Variants in A4GALT observed in about 807,000 individuals in gnomAD.
A4GALT encodes the protein lactosylceramide 4-alpha-galactosyltransferase.
For synonymous variants in A4GALT, 257 were observed against 220.7 expected (o/e 1.16, Z -1.46); for missense variants, 512 against 486.0 (o/e 1.05, Z -0.50).
chr22:42,698,801 A>G (rs1385761344), intron 1 of A4GALT, among the ~76,000 whole-genome samples: 1 of 152,232 alleles, frequency 6.6e-6, no homozygotes, highest in African/African-American at 2.4e-5. Flanking sequence ...AATACAGGTC[A>G]TAAAGACCTT....
intron 1 of A4GALT, among the ~76,000 whole-genome samples, chr22:42,708,693 C>T (rs551563636): frequency 6.6e-6 from 1 of 152,140 alleles, no homozygotes; most frequent in East Asian, 1.9e-4. Flanking sequence ...CACCAACTAA[C>T]CTAATCAAGA....
intron 1 of A4GALT, among the ~76,000 whole-genome samples, chr22:42,700,688 G>A (rs1272899394): frequency 6.6e-6 from 1 of 152,168 alleles, no homozygotes; most frequent in Non-Finnish European, 1.5e-5. Context: ...CTGCAGTCAG[G>A]CCATGCTCCT....
intron 1 of A4GALT, among the ~76,000 whole-genome samples, chr22:42,716,097 G>A (rs1007372209): frequency 3.9e-5 from 6 of 152,140 alleles, no homozygotes; most frequent in African/African-American, 1.4e-4. Context: ...CTCCCAAAGT[G>A]CTGGGATTAC....
rs1930735706 is a variant in A4GALT, at chr22:42,694,006, G to C, written c.-46-9C>G. On this transcript the variant is annotated splice_polypyrimidine_tract_variant and intron_variant, in intron 2 of 2. Coordinates refer to ENST00000642412, the MANE Select transcript of A4GALT (RefSeq NM_017436.7). ...AGCAGGAACCGGCTGGTCTGCAAGA[G>C]ATGAGCACCCGCCATCAGGGAGGCC... 2.0e-6 allele frequency: 3 copies of C among 1,469,016 alleles called. No individual in the cohort carries two copies. Among genetic ancestry groups the C allele is most frequent in the Middle Eastern group, 1.7e-4 (1 of 5,824 alleles). The allele number at this position is 1,469,016 out of a possible 1,614,324, so 91.0% of individuals were successfully genotyped here. A position where few individuals can be genotyped will look rare whatever the true frequency, so the allele number is the denominator to read the frequency against.
At chr22:42,719,338 C>T (rs528836387) in intron 1 of A4GALT, among the ~76,000 whole-genome samples, 1 of 152,212 alleles carries the variant, frequency 6.6e-6, no homozygotes, top group East Asian at 1.9e-4. Context: ...TGGTGTGTGC[C>T]TGCAGTCTCA....
At chr22:42,714,207 T>C (rs897140034) in intron 1 of A4GALT, among the ~76,000 whole-genome samples, 11 of 134,148 alleles carry the variant, frequency 8.2e-5, no homozygotes, top group Non-Finnish European at 1.5e-5. Flanking sequence ...CCCAGAAGGC[T>C]GAGGCTGCAG....
intron 1 of A4GALT, among the ~76,000 whole-genome samples, chr22:42,701,413 A>C (rs1931292928): frequency 6.6e-6 from 1 of 152,116 alleles, no homozygotes; most frequent in Non-Finnish European, 1.5e-5. Context: ...TAGAAAGGAA[A>C]CTTCTCCCAC....
Position 42,692,921 on chromosome 22 carries a change from G to A in A4GALT, c.1031C>T (p.Thr344Met), listed in dbSNP as rs373393165. 6.8e-6 allele frequency: 11 copies of A among 1,607,444 alleles called. No individual in the cohort carries two copies. The Admixed American group carries it at 1.7e-4, about 24-fold the overall frequency. ...LAQLHARYCP[T>M]THEAMKMYL ...GTACATTTTCATGGCCTCGTGCGTCGTGGGGCAGTAGCGGGCATGCAGCTG... is the reference window on the plus strand; with the variant it reads ...GTACATTTTCATGGCCTCGTGCGTCATGGGGCAGTAGCGGGCATGCAGCTG... The change falls in exon 3 of 3, where the codon ACG (threonine) becomes ATG (methionine). Residue 344 changes from threonine (T) to methionine (M), a missense_variant. Coordinates refer to ENST00000642412, the MANE Select transcript of A4GALT (RefSeq NM_017436.7). This position sits in a 1 kb window ranked among gnomAD's most constrained non-coding sequence, Gnocchi z 4.6.
chr22:42,701,579 G>T (rs1260955475), intron 1 of A4GALT, among the ~76,000 whole-genome samples: 2 of 152,194 alleles, frequency 1.3e-5, no homozygotes, highest in African/African-American at 4.8e-5. Flanking sequence ...GGGTCATCTA[G>T]GTTTACCTAC....
rs1332038785 is a variant in A4GALT at position 42,693,495 on chromosome 22, T to A, written c.457A>T (p.Thr153Ser). Residue 153 changes from threonine to serine, a missense_variant, in exon 3 of 3, where the codon ACA becomes TCA. By Grantham distance (58) the Thr-to-Ser change is moderately conservative. Coordinates refer to ENST00000642412, the MANE Select transcript of A4GALT (RefSeq NM_017436.7). ...GCCGCGTACCAGTCGGCCAGGGGTGTGTCCCGGAACAGCTCCCGCAGGTCC... is the reference window on the plus strand; with the variant it reads ...GCCGCGTACCAGTCGGCCAGGGGTGAGTCCCGGAACAGCTCCCGCAGGTCC... The part of the protein sequence containing the change: ...PLDLRELFRD[T>S]PLADWYAAVQ... The A allele has an allele frequency of 8.1e-6, 13 of 1,612,968 alleles. No homozygotes were observed. Among genetic ancestry groups the A allele is most frequent in the Non-Finnish European group, 1.1e-5 (13 of 1,179,962 alleles).
At chr22:42,697,499 T>G (rs1005084479) in intron 1 of A4GALT, among the ~76,000 whole-genome samples, 1 of 152,096 alleles carries the variant, frequency 6.6e-6, no homozygotes, top group Non-Finnish European at 1.5e-5. Context: ...CTCTGCCCAC[T>G]TGGGGGCCCC....
chr22:42,719,579 T>C (rs553796219), intron 1 of A4GALT, among the ~76,000 whole-genome samples: 8 of 152,296 alleles, frequency 5.3e-5, no homozygotes, highest in Admixed American at 2.0e-4. Context: ...GTTGCAGCTA[T>C]GGAAACACAG....
Position 42,696,913 on chromosome 22 carries a change from A to C in A4GALT, c.-187-1282T>G, listed in dbSNP as rs79692890. ...GGGTTCTTCTCTCAGATGCCCACTC[A>C]AAAGTCCCCTTCCCACCAGGTCCTC... On this transcript the variant is annotated intron_variant, in intron 1 of 2. Coordinates refer to ENST00000642412, the MANE Select transcript of A4GALT (RefSeq NM_017436.7). Among the ~76,000 whole-genome samples, 1,341 of 151,494 alleles carry C rather than the reference A, an allele frequency of 8.9e-3. 20 individuals carry two copies. The highest frequency in any genetic ancestry group is 0.031 in the African/African-American group (1,274 of 41,222).
chr22:42,703,239 T>G (rs985186366), intron 1 of A4GALT, among the ~76,000 whole-genome samples: 7 of 147,436 alleles, frequency 4.7e-5, no homozygotes, highest in East Asian at 2.0e-4. Flanking sequence ...GGGCTTTTTT[T>G]TTGTTGTTTG....
chr22:42,706,444 T>C (rs564181606), intron 1 of A4GALT, among the ~76,000 whole-genome samples: 2 of 150,480 alleles, frequency 1.3e-5, no homozygotes, highest in East Asian at 4.0e-4. Context: ...ACCTGTAACC[T>C]ATCTCTATTC....
chr22:42,721,064 T>G (rs986226805), upstream of A4GALT: 2 of 151,924 alleles, frequency 1.3e-5, no homozygotes, highest in Non-Finnish European at 2.9e-5. Context: ...GGCCAACAGG[T>G]AGGGAGCGCT....
chr22:42,697,226 T>C (rs1930996216), intron 1 of A4GALT, among the ~76,000 whole-genome samples: 1 of 152,050 alleles, frequency 6.6e-6, no homozygotes, highest in African/African-American at 2.4e-5. Flanking sequence ...AACGAGTGAG[T>C]GACCAGTAAG....
chr22:42,716,574 A>T (rs1268263957), intron 1 of A4GALT, among the ~76,000 whole-genome samples: 3 of 152,134 alleles, frequency 2.0e-5, no homozygotes, highest in African/African-American at 7.2e-5. Flanking sequence ...GCAGCGGCAG[A>T]GCGGGGTTCA....
rs1930509536 is a variant in A4GALT, at chr22:42,692,500, C to CCT, written c.*388_*389dup. 1 of 373,944 alleles carries CCT rather than the reference C, an allele frequency of 2.7e-6. No individual in the cohort carries two copies. The highest frequency in any genetic ancestry group is 5.3e-6 in the Non-Finnish European group (1 of 188,340). The allele number at this position is 373,944 out of a possible 1,614,324, so 23.2% of individuals were successfully genotyped here. On this transcript the variant is annotated 3_prime_UTR_variant, in exon 3 of 3. Coordinates refer to ENST00000642412, the MANE Select transcript of A4GALT (RefSeq NM_017436.7). This position sits in a 1 kb window ranked among gnomAD's most constrained non-coding sequence, Gnocchi z 4.6. ...CACTTTCCTACCAACAGCCTCCTCTCCTCTCTGGGAATCTTGTCCCTTCTT... is the reference window on the plus strand; with the variant it reads ...CACTTTCCTACCAACAGCCTCCTCTCCTCTCTCTGGGAATCTTGTCCCTTCTT...
Sources: gnomAD v4.1 joint callset for allele counts (sites outside exome capture counted in the v4.1 genomes callset) on GRCh38, gnomAD v4.1.1 for gene constraint, Gnocchi (gnomAD v3.1) non-coding constraint, MANE v1.5 for transcripts, NCBI Gene and HGNC (gene_info 2026-07-23, HGNC 2026-07-21) for gene names.